Variants in RTN4IP1 observed in about 807,000 individuals in gnomAD.
RTN4IP1 encodes the protein NAD(P)H oxidoreductase RTN4IP1, mitochondrial.
Under a neutral mutation model 46.6 loss-of-function variants are expected in RTN4IP1, and 32 were observed. The observed-to-expected ratio is 0.69, with a 90% CI of 0.52 to 0.92. The LOEUF is 0.92. RTN4IP1 is among the 40% of genes least tolerant of loss of function. The probability of loss-of-function intolerance (pLI) is 0.00; values close to 1 mark genes in which losing one functional copy is unlikely to be tolerated. For missense variants in RTN4IP1, 424 were observed against 485.8 expected (o/e 0.87, Z 1.20); for synonymous variants, 167 against 161.8 (o/e 1.03, Z -0.24).
intron 8 of RTN4IP1, among the ~76,000 whole-genome samples, chr6:106,573,002 ATACTTGGCCCAGGCTGGAGCT>A (rs1775117744): frequency 6.6e-6 from 1 of 152,206 alleles, no homozygotes; most frequent in Non-Finnish European, 1.5e-5. Context: ...GGCTTCGAGA[ATACTTGGCCCAGGCTGGAGCT>A]GCCCTGGCAG....
chr6:106,600,901 T>C (rs531355459), intron 5 of RTN4IP1, among the ~76,000 whole-genome samples: 1 of 152,150 alleles, frequency 6.6e-6, no homozygotes, highest in Admixed American at 6.6e-5. Flanking sequence ...TATTCATGAA[T>C]AAGATTAGGC....
intron 4 of RTN4IP1, among the ~76,000 whole-genome samples, chr6:106,611,582 T>G (rs77166881): frequency 6.6e-6 from 1 of 152,312 alleles, no homozygotes; most frequent in East Asian, 1.9e-4. Flanking sequence ...GAAACACACA[T>G]GACTTTTAAA....
intron 5 of RTN4IP1, among the ~76,000 whole-genome samples, chr6:106,599,202 T>A (rs1775880650): frequency 6.6e-6 from 1 of 151,980 alleles, no homozygotes; most frequent in Admixed American, 6.5e-5. Context: ...TTGTATGGGA[T>A]TTAACCTTGA....
intron 4 of RTN4IP1, among the ~76,000 whole-genome samples, chr6:106,604,540 T>C (rs1776014399): frequency 6.6e-6 from 1 of 152,066 alleles, no homozygotes; most frequent in East Asian, 1.9e-4. Context: ...TCTCCTGAAG[T>C]GCAAAGGGAC....
intron 3 of RTN4IP1, among the ~76,000 whole-genome samples, chr6:106,620,848 T>C (rs983780911): frequency 5.3e-5 from 8 of 152,190 alleles, no homozygotes; most frequent in African/African-American, 1.7e-4. Context: ...CAAATAAACC[T>C]TGAACTCTCA....
chr6:106,578,380 C>T (rs1259605083), intron 8 of RTN4IP1, among the ~76,000 whole-genome samples: 1 of 152,186 alleles, frequency 6.6e-6, no homozygotes, highest in South Asian at 2.1e-4. Context: ...GTAAACTAGA[C>T]AAGTGCAAAG....
At chr6:106,622,194 C>T (rs1475664498) in intron 2 of RTN4IP1, among the ~76,000 whole-genome samples, 4 of 152,084 alleles carry the variant, frequency 2.6e-5, no homozygotes, top group Admixed American at 6.5e-5. Context: ...CTAGTCAAAG[C>T]TCAGTATATT....
chr6:106,576,851 C>T (rs1271291802), intron 8 of RTN4IP1, among the ~76,000 whole-genome samples: 1 of 152,210 alleles, frequency 6.6e-6, no homozygotes, highest in African/African-American at 2.4e-5. Context: ...TTCTAGAGGA[C>T]AGGCTGCTCA....
chr6:106,615,288 G>A (rs1776322512), intron 4 of RTN4IP1, among the ~76,000 whole-genome samples: 2 of 152,056 alleles, frequency 1.3e-5, no homozygotes, highest in South Asian at 2.1e-4. Context: ...TAAGCATATC[G>A]GTAGGGAATA....
At chr6:106,627,220 ATAAAAG>A (rs1394748788) in intron 1 of RTN4IP1, among the ~76,000 whole-genome samples, 2 of 152,226 alleles carry the variant, frequency 1.3e-5, no homozygotes, top group Non-Finnish European at 1.5e-5. Flanking sequence ...AGAATACTAT[ATAAAAG>A]TAAAATGTTT....
At chr6:106,592,692 G>C (rs766363003) in intron 5 of RTN4IP1, among the ~76,000 whole-genome samples, 104 of 152,198 alleles carry the variant, frequency 6.8e-4, no homozygotes, top group Non-Finnish European at 1.2e-3. Context: ...GGGAGGCCGA[G>C]ACAGGTGGAT....
chr6:106,580,328 T>A (rs1034147469), intron 8 of RTN4IP1, among the ~76,000 whole-genome samples: 5 of 150,752 alleles, frequency 3.3e-5, no homozygotes, highest in African/African-American at 1.2e-4. Flanking sequence ...GGTAAGATAA[T>A]GGGTAAGTAA....
At chr6:106,611,006 G>A (rs1776209050) in intron 4 of RTN4IP1, among the ~76,000 whole-genome samples, 1 of 150,846 alleles carries the variant, frequency 6.6e-6, no homozygotes, top group Non-Finnish European at 1.5e-5. Flanking sequence ...TTTCAGTATT[G>A]TAATCTTATG....
intron 2 of RTN4IP1, among the ~76,000 whole-genome samples, chr6:106,622,155 G>C (rs1471814790): frequency 1.3e-5 from 2 of 150,412 alleles, no homozygotes; most frequent in Admixed American, 1.3e-4. Context: ...GTGAAAAAAT[G>C]TAACAACAGA....
chr6:106,590,088 A>C (rs1049817031), intron 6 of RTN4IP1, among the ~76,000 whole-genome samples: 2 of 151,644 alleles, frequency 1.3e-5, no homozygotes, highest in African/African-American at 4.8e-5. Flanking sequence ...GAGACCAAGG[A>C]AGGCGGATCA....
In RTN4IP1 at chr6:106,628,782, A is replaced by C. The variant is rs144233431; in HGVS notation, c.240T>G (p.Ala80=). 1.1e-5 allele frequency: 18 copies of C among 1,613,936 alleles called. No homozygotes were observed. The highest frequency in any genetic ancestry group is 1.4e-5 in the Non-Finnish European group (17 of 1,179,906). The change falls in exon 1 of 9, where the codon GCT becomes GCG. Residue 80 remains alanine (A), a synonymous_variant. Coordinates refer to ENST00000369063, the MANE Select transcript of RTN4IP1 (RefSeq NM_032730.5). ...YPNEVIVKVH[A]ASVNPIDVNM... ...TAACGTCTATAGGATTTACACTGGC[A>C]GCGTGAACTTTGACAATGACTTCAT...
At chr6:106,624,765 T>G (rs1776592325) in intron 1 of RTN4IP1, among the ~76,000 whole-genome samples, 1 of 150,616 alleles carries the variant, frequency 6.6e-6, no homozygotes, top group South Asian at 2.1e-4. Flanking sequence ...CTAGAGCTCA[T>G]CTCTACTAAA....
intron 4 of RTN4IP1, among the ~76,000 whole-genome samples, chr6:106,612,263 TATA>T (rs1776243137): frequency 6.6e-6 from 1 of 151,832 alleles, no homozygotes; most frequent in Non-Finnish European, 1.5e-5. Flanking sequence ...GGCGGGCACC[TATA>T]ATCCCAGCTA....
At chr6:106,629,611 A>C, upstream of RTN4IP1, 2 of 1,547,108 alleles carry the variant, frequency 1.3e-6, no homozygotes, top group Non-Finnish European at 1.7e-6. Context: ...CCCATGTAAC[A>C]TCACTAGCGA....
Sources: gnomAD v4.1 joint callset for allele counts (sites outside exome capture counted in the v4.1 genomes callset) on GRCh38, gnomAD v4.1.1 for gene constraint, MANE v1.5 for transcripts, NCBI Gene and HGNC (gene_info 2026-07-23, HGNC 2026-07-21) for gene names.